The following ABCD2 variants were observed in gnomAD, a reference collection of about 807,000 sequenced individuals.
ABCD2 encodes the protein ATP binding cassette subfamily D member 2, also known as ATP-binding cassette sub-family D member 2.
A neutral mutation model predicts 70.9 loss-of-function variants in ABCD2; 36 were observed. The ratio of observed to expected loss-of-function variants is 0.51; its 90% confidence interval spans 0.39 to 0.67. The LOEUF is 0.67. ABCD2 is among the 30% of genes least tolerant of loss of function. The pLI, the probability that ABCD2 is intolerant of heterozygous loss-of-function variation, is 0.00. For missense variants in ABCD2, 729 were observed against 890.2 expected (o/e 0.82, Z 2.30); for synonymous variants, 304 against 306.9 (o/e 0.99, Z 0.10).
chr12:39,593,630 G>A (rs922133186), intron 6 of ABCD2, among the ~76,000 whole-genome samples: 4 of 152,150 alleles, frequency 2.6e-5, no homozygotes, highest in African/African-American at 9.7e-5. Context: ...TTGTGCCAAT[G>A]TTGGTATTAT....
intron 9 of ABCD2, among the ~76,000 whole-genome samples, chr12:39,563,211 G>A (rs1183240210): frequency 2.0e-5 from 3 of 152,072 alleles, no homozygotes; most frequent in Non-Finnish European, 2.9e-5. Context: ...CATCTATACT[G>A]AAAAGGGAAA....
At chr12:39,607,844 A>AT in intron 2 of ABCD2, 130 bp from the exon 3 acceptor site, 1 of 666,164 alleles carries the variant, frequency 1.5e-6, no homozygotes, top group Admixed American at 3.0e-5. Context: ...AGTAGTAGCA[A>AT]TTTTCTAGAA....
At chr12:39,559,858 A>G (rs888672272) in intron 9 of ABCD2, among the ~76,000 whole-genome samples, 3 of 152,356 alleles carry the variant, frequency 2.0e-5, no homozygotes, top group Admixed American at 6.5e-5. Flanking sequence ...GATATGTCTT[A>G]TAAGGAGTAC....
the ABCD2 span, among the ~76,000 whole-genome samples, chr12:39,543,022 T>C: frequency 6.6e-6 from 1 of 152,180 alleles, no homozygotes; most frequent in Admixed American, 6.5e-5. Flanking sequence ...GAAGAGTGAC[T>C]TGCTCCAGCA....
Position 39,591,471 on chromosome 12 carries a change from G to A in ABCD2, c.1647-5174C>T, listed in dbSNP as rs1347808131. Among the ~76,000 whole-genome samples, 3 of 152,202 alleles carry A rather than the reference G, an allele frequency of 2.0e-5. No individual in the cohort carries two copies. The East Asian group carries it at 5.8e-4, about 29-fold the overall frequency. ...TCGCATCTGTAATCCCCGTAATTTG[G>A]GAGGCCAAGCTGGGTGAATCACCTG... On this transcript the variant is annotated intron_variant, in intron 6 of 9. Coordinates refer to ENST00000308666, the MANE Select transcript of ABCD2 (RefSeq NM_005164.4).
chr12:39,600,524 A>G (rs1231148911), intron 6 of ABCD2, 47 bp downstream of exon 6: 1 of 1,489,682 alleles, frequency 6.7e-7, no homozygotes, highest in Non-Finnish European at 9.1e-7. Flanking sequence ...AAGACAATTC[A>G]AGAGCAAAAG....
chr12:39,595,149 G>T (rs1941799125), intron 6 of ABCD2, among the ~76,000 whole-genome samples: 2 of 152,132 alleles, frequency 1.3e-5, no homozygotes, highest in Non-Finnish European at 2.9e-5. Flanking sequence ...ATGATATTTT[G>T]TTATTCCTCA....
chr12:39,578,011 A>C (rs1941543159), intron 8 of ABCD2, among the ~76,000 whole-genome samples: 1 of 152,184 alleles, frequency 6.6e-6, no homozygotes, highest in Non-Finnish European at 1.5e-5. Context: ...AGTGTGGGCC[A>C]ACTAATTCCT....
intron 7 of ABCD2, among the ~76,000 whole-genome samples, chr12:39,585,015 C>A (rs1941646397): frequency 6.6e-6 from 1 of 152,104 alleles, no homozygotes; most frequent in Non-Finnish European, 1.5e-5. Flanking sequence ...TTTCTTGGTT[C>A]CAAACAAATT....
intron 6 of ABCD2, among the ~76,000 whole-genome samples, chr12:39,589,920 G>A (rs1941722469): frequency 6.6e-6 from 1 of 151,952 alleles, no homozygotes; most frequent in Non-Finnish European, 1.5e-5. Flanking sequence ...GATGTACATA[G>A]CAACTAAAGC....
Position 39,573,772 on chromosome 12 carries a change from C to T in ABCD2, c.1947G>A (p.Gln649=). Residue 649 remains glutamine, a synonymous_variant, in exon 9 of 10, where the codon CAG becomes CAA. Transcript: ENST00000308666. ...VSIDVEGKIF[Q]AAKGAGISLL... ...AGGAAATTCCAGCCCCTTTTGCAGCCTGAAATATCTTTCCTTCGACATCAA... is the reference window on the plus strand; with the variant it reads ...AGGAAATTCCAGCCCCTTTTGCAGCTTGAAATATCTTTCCTTCGACATCAA... 6.2e-7 allele frequency: 1 copy of T among 1,613,400 alleles called. No homozygotes were observed. The highest frequency in any genetic ancestry group is 8.5e-7 in the Non-Finnish European group (1 of 1,179,458).
chr12:39,574,211 G>T (rs1329241559), intron 8 of ABCD2, among the ~76,000 whole-genome samples: 1 of 152,056 alleles, frequency 6.6e-6, no homozygotes, highest in African/African-American at 2.4e-5. Flanking sequence ...AAAATACATT[G>T]CAGTAGCTAA....
chr12:39,577,672 T>G (rs563176150), intron 8 of ABCD2, among the ~76,000 whole-genome samples: 266 of 152,288 alleles, frequency 1.7e-3, no homozygotes, highest in African/African-American at 5.7e-3. Context: ...ATATATTAAA[T>G]AACTTTAAAT....
chr12:39,567,854 G>A (rs893247092), intron 9 of ABCD2, among the ~76,000 whole-genome samples: 42 of 152,150 alleles, frequency 2.8e-4, no homozygotes, highest in African/African-American at 9.7e-4. Context: ...TTGCTTGTCT[G>A]TAAAGGATTT....
chr12:39,547,847 C>G (rs1426770880), downstream of ABCD2, among the ~76,000 whole-genome samples: 2 of 151,934 alleles, frequency 1.3e-5, no homozygotes, highest in Non-Finnish European at 2.9e-5. Context: ...AACTTAAGTC[C>G]TCAAAATATT....
At chr12:39,540,908 G>A in the ABCD2 span, among the ~76,000 whole-genome samples, 2 of 152,186 alleles carry the variant, frequency 1.3e-5, 1 homozygote, top group Non-Finnish European at 2.9e-5. Flanking sequence ...GCAACCAACC[G>A]CCTTGGGCAC....
chr12:39,615,046 G>T (rs1358549051), intron 2 of ABCD2, among the ~76,000 whole-genome samples: 2 of 147,936 alleles, frequency 1.4e-5, no homozygotes, highest in Admixed American at 6.7e-5. Flanking sequence ...GTATTTTCAG[G>T]ATTTGTGGGA....
intron 8 of ABCD2, among the ~76,000 whole-genome samples, chr12:39,576,082 T>C (rs1484942750): frequency 2.0e-5 from 3 of 152,228 alleles, no homozygotes; most frequent in Non-Finnish European, 4.4e-5. Context: ...TGGGTACTTA[T>C]GGCCTAGACC....
intron 3 of ABCD2, 61 bp from the exon 4 acceptor site, chr12:39,604,991 A>T: frequency 7.7e-7 from 1 of 1,301,612 alleles, no homozygotes; most frequent in East Asian, 2.5e-5. Flanking sequence ...TTTTAAATAA[A>T]TATGTAATCA....
Sources: gnomAD v4.1 joint callset for allele counts (sites outside exome capture counted in the v4.1 genomes callset) on GRCh38, gnomAD v4.1.1 for gene constraint, MANE v1.5 for transcripts, NCBI Gene and HGNC (gene_info 2026-07-23, HGNC 2026-07-21) for gene names.